The following RNF13 variants were observed in gnomAD, a reference collection of about 807,000 sequenced individuals.
RNF13 encodes ring finger protein 13.
RNF13 carries 19 observed loss-of-function variants against 37.7 expected under a neutral mutation model. That is an observed-to-expected ratio of 0.50 (90% CI 0.35 to 0.74). The LOEUF is 0.74. Among genes scored for constraint, RNF13 ranks in the 30% least tolerant of loss-of-function variants. The pLI, the probability that RNF13 is intolerant of heterozygous loss-of-function variation, is 0.01. For synonymous variants in RNF13, 144 were observed against 157.8 expected, an observed-to-expected ratio of 0.91 and a Z score of 0.65; for missense variants, 375 against 453.0, an observed-to-expected ratio of 0.83 and a Z score of 1.56.
chr3:149,906,288 T>A (rs56207117), intron 6 of RNF13, among the ~76,000 whole-genome samples: 1,933 of 152,346 alleles, frequency 0.013, 24 homozygotes, highest in Non-Finnish European at 0.021. Flanking sequence ...TAATGCTTTT[T>A]TTTTCACTAT....
chr3:149,859,844 G>A (rs909437853), intron 3 of RNF13, among the ~76,000 whole-genome samples: 1 of 152,038 alleles, frequency 6.6e-6, no homozygotes, highest in Non-Finnish European at 1.5e-5. Context: ...AAATGTCAAT[G>A]TCATTTTTCA....
At chr3:149,858,567 A>G (rs1222118425) in intron 3 of RNF13, among the ~76,000 whole-genome samples, 2 of 152,222 alleles carry the variant, frequency 1.3e-5, no homozygotes, top group Non-Finnish European at 2.9e-5. Context: ...TCTCATTTTC[A>G]GCAACACAGC....
intron 1 of RNF13, among the ~76,000 whole-genome samples, chr3:149,821,481 A>G (rs1044340667): frequency 6.6e-6 from 1 of 152,150 alleles, no homozygotes; most frequent in Non-Finnish European, 1.5e-5. Flanking sequence ...AGAAATGTCT[A>G]TTCAAGTTCT....
At chr3:149,833,151 ACT>A (rs1576730899) in intron 1 of RNF13, among the ~76,000 whole-genome samples, 1 of 111,836 alleles carries the variant, frequency 8.9e-6, no homozygotes, top group East Asian at 2.4e-4. Context: ...ATGGAGCCTC[ACT>A]CTGTTGCCTA....
Position 149,874,933 on chromosome 3 carries a change from A to G in RNF13, c.321+2779A>G, listed in dbSNP as rs921282832. Reference sequence around the variant, plus strand: ...TATCAGAAATCTCTGACTGCATTTAATGAGCTTCCAAAATGGTTATATACA... The same window carrying G: ...TATCAGAAATCTCTGACTGCATTTAGTGAGCTTCCAAAATGGTTATATACA... On this transcript the variant is annotated intron_variant, in intron 4 of 9. Coordinates refer to ENST00000392894, the MANE Select transcript of RNF13 (RefSeq NM_183381.3). Among the ~76,000 whole-genome samples, 7 of 152,220 alleles carry G rather than the reference A, an allele frequency of 4.6e-5. 1 individual carries two copies. The East Asian group carries it at 1.4e-3, about 29-fold the overall frequency.
chr3:149,881,286 G>A (rs1374791377), intron 4 of RNF13, among the ~76,000 whole-genome samples: 2 of 152,020 alleles, frequency 1.3e-5, no homozygotes, highest in Non-Finnish European at 2.9e-5. Context: ...TTGTCCATAT[G>A]CCATAGATTG....
chr3:149,834,464 A>G (rs1382413139), intron 1 of RNF13, among the ~76,000 whole-genome samples: 1 of 152,248 alleles, frequency 6.6e-6, no homozygotes, highest in Non-Finnish European at 1.5e-5. Context: ...AACTTTTGAC[A>G]GAAGTCCTCC....
chr3:149,923,515 C>A (rs1425218396), intron 8 of RNF13, among the ~76,000 whole-genome samples: 7 of 151,948 alleles, frequency 4.6e-5, no homozygotes, highest in Non-Finnish European at 7.4e-5. Context: ...ACCTGTAATC[C>A]CAGCACTTAG....
chr3:149,937,474 GTT>G (rs993524624), intron 8 of RNF13, among the ~76,000 whole-genome samples: 4 of 152,076 alleles, frequency 2.6e-5, no homozygotes, highest in Non-Finnish European at 5.9e-5. Context: ...CACAGCCTCA[GTT>G]TTGAGTTCTG....
At position 149,840,027 on chromosome 3, in the gene RNF13, T is replaced by C. The variant is rs191611557; in HGVS notation, c.-16-5984T>C. Among the ~76,000 whole-genome samples the C allele has an allele frequency of 3.8e-3, 578 of 152,308 alleles. 6 individuals carry two copies. The highest frequency in any genetic ancestry group is 0.013 in the African/African-American group (554 of 41,560). On this transcript the variant is annotated intron_variant, in intron 1 of 9. Coordinates refer to ENST00000392894, the MANE Select transcript of RNF13 (RefSeq NM_183381.3). ...GTGGTATCTTATTTATTTTTTTTCATTCCAGAAAATTCTTGTAAACTTGAA... is the reference window on the plus strand; with the variant it reads ...GTGGTATCTTATTTATTTTTTTTCACTCCAGAAAATTCTTGTAAACTTGAA...
intron 8 of RNF13, among the ~76,000 whole-genome samples, chr3:149,926,841 T>C (rs1007729812): frequency 9.9e-5 from 15 of 152,200 alleles, no homozygotes; most frequent in Admixed American, 1.3e-4. Context: ...TTACAGTAGG[T>C]TCATGGTAAG....
intron 6 of RNF13, among the ~76,000 whole-genome samples, chr3:149,906,791 C>T (rs1166832417): frequency 1.3e-5 from 2 of 151,218 alleles, no homozygotes; most frequent in South Asian, 2.1e-4. Flanking sequence ...AGCTAGGACC[C>T]CAGGCATGCA....
At chr3:149,944,728 G>C (rs1720602677) in intron 8 of RNF13, among the ~76,000 whole-genome samples, 2 of 152,198 alleles carry the variant, frequency 1.3e-5, no homozygotes. Flanking sequence ...CAGATGGGTA[G>C]ATTGCAATAA....
Position 149,961,020 on chromosome 3 carries a change from A to T in RNF13, c.1062A>T (p.Ala354=). The change falls in exon 10 of 10, where the codon GCA becomes GCT. Residue 354 remains alanine (A), a synonymous_variant. Coordinates refer to ENST00000392894, the MANE Select transcript of RNF13 (RefSeq NM_183381.3). Reference sequence around the variant, plus strand: ...ATGAAGATACTGACAGTAGTGATGCAGAAAATGAAATTAATGAACATGATG... The same window carrying T: ...ATGAAGATACTGACAGTAGTGATGCTGAAAATGAAATTAATGAACATGATG... ...DDNEDTDSSD[A]ENEINEHDVV... is the part of the protein sequence containing the mutation. 1 of 1,614,226 alleles carries T rather than the reference A, an allele frequency of 6.2e-7. No homozygotes were observed. The highest frequency in any genetic ancestry group is 8.5e-7 in the Non-Finnish European group (1 of 1,180,014).
In RNF13 at chr3:149,838,724, C is replaced by A. The variant is rs572121215; in HGVS notation, c.-16-7287C>A. ...CCTGTGATGGGAGAGGCTGCCATGA[C>A]AACCTCTGACATGCCCTGGAGACAT... On this transcript the variant is annotated intron_variant, in intron 1 of 9. Transcript: ENST00000392894. Among the ~76,000 whole-genome samples, 119 of 152,178 alleles carry A rather than the reference C, an allele frequency of 7.8e-4. 1 individual carries two copies. Among genetic ancestry groups the A allele is most frequent in the Non-Finnish European group, 1.3e-3 (91 of 67,906 alleles).
At chr3:149,864,769 G>C (rs571836480) in intron 3 of RNF13, among the ~76,000 whole-genome samples, 3 of 152,096 alleles carry the variant, frequency 2.0e-5, no homozygotes, top group African/African-American at 7.2e-5. Context: ...ATTTGATAAA[G>C]ACAAAAAGAA....
At chr3:149,904,188 C>T (rs1329413261) in intron 6 of RNF13, among the ~76,000 whole-genome samples, 1 of 151,896 alleles carries the variant, frequency 6.6e-6, no homozygotes, top group Non-Finnish European at 1.5e-5. Flanking sequence ...ACTTTATTGA[C>T]CTTAAATGGG....
chr3:149,902,224 A>G (rs1715920320), intron 6 of RNF13, 62 bp downstream of exon 6: 1 of 742,168 alleles, frequency 1.3e-6, no homozygotes. Flanking sequence ...AGGTAGAATT[A>G]TATAATATTG....
intron 4 of RNF13, among the ~76,000 whole-genome samples, chr3:149,874,099 A>G (rs1057288095): frequency 1.3e-5 from 2 of 152,218 alleles, no homozygotes; most frequent in African/African-American, 4.8e-5. Context: ...GTACTTTACC[A>G]TGTAGGCACA....
Sources: gnomAD v4.1 joint callset for allele counts (sites outside exome capture counted in the v4.1 genomes callset) on GRCh38, gnomAD v4.1.1 for gene constraint, MANE v1.5 for transcripts, NCBI Gene and HGNC (gene_info 2026-07-23, HGNC 2026-07-21) for gene names.